Variants in PHLPP1 observed in about 807,000 individuals in gnomAD.
PHLPP1 encodes PH domain and leucine rich repeat protein phosphatase 1.
A neutral mutation model predicts 117.2 loss-of-function variants in PHLPP1; 42 were observed. That is an observed-to-expected ratio of 0.36 (90% confidence interval 0.28 to 0.46). PHLPP1 has a LOEUF of 0.46. Ranked by LOEUF, PHLPP1 falls within the 20% of genes least tolerant of loss-of-function variation. The pLI is 1.00. For missense variants in PHLPP1, 2,084 were observed against 2,241.9 expected (o/e 0.93, Z 1.42); for synonymous variants, 1,042 against 970.7 (o/e 1.07, Z -1.37).
At chr18:62,826,704 A>G (rs1191149364) in intron 1 of PHLPP1, among the ~76,000 whole-genome samples, 4 of 152,224 alleles carry the variant, frequency 2.6e-5, no homozygotes, top group South Asian at 2.1e-4. Context: ...TGAGTATGTA[A>G]TCAAGATCCA....
In PHLPP1 at chr18:62,856,037, T is replaced by C. The variant is rs115397407; in HGVS notation, c.1900-4398T>C. On this transcript the variant is annotated intron_variant, in intron 3 of 16. Transcript: ENST00000262719. The stretch of plus-strand genomic sequence containing the variant: ...ATAGAGAAAAAATAAGAAAATTCCA[T>C]GGTACAGTAGGCCCTTCTTACTGCG... 6.0e-3 allele frequency among the ~76,000 whole-genome samples: 915 copies of C among 152,316 alleles called. 4 individuals are homozygous for C. Among genetic ancestry groups the C allele is most frequent in the African/African-American group, 0.02 (843 of 41,566 alleles).
At chr18:62,727,448 A>G (rs1018214627) in intron 1 of PHLPP1, among the ~76,000 whole-genome samples, 3 of 151,644 alleles carry the variant, frequency 2.0e-5, no homozygotes, top group Non-Finnish European at 2.9e-5. Flanking sequence ...TTCTCTACAA[A>G]ATAATAATAA....
chr18:62,887,134 G>C (rs1231551650), intron 4 of PHLPP1, among the ~76,000 whole-genome samples: 1 of 152,136 alleles, frequency 6.6e-6, no homozygotes, highest in East Asian at 1.9e-4. Flanking sequence ...CTGTGGCTTA[G>C]AATTATGAGT....
chr18:62,978,178 C>T lies in PHLPP1; in HGVS notation c.3985-84C>T. ...CTTCTCTGTGGTCCTACAGTCGAGA[C>T]AGTCGAGGGACCCGCAGGGAACCTG... On this transcript the variant is annotated intron_variant, in intron 16 of 16. Transcript: ENST00000262719. The surrounding 1 kb of genome is among the most constrained non-coding windows in gnomAD (Gnocchi z 7.0). 1.4e-6 allele frequency: 1 copy of T among 733,238 alleles called. No individual in the cohort carries two copies. The highest frequency in any genetic ancestry group is 2.7e-5 in the East Asian group (1 of 36,840). The allele number at this position is 733,238 out of a possible 1,614,324, so 45.4% of individuals were successfully genotyped here.
At chr18:62,828,122 T>C (rs141277338) in intron 1 of PHLPP1, among the ~76,000 whole-genome samples, 273 of 152,204 alleles carry the variant, frequency 1.8e-3, no homozygotes, top group Admixed American at 3.4e-3. Context: ...CTATTGTCCA[T>C]TGTTTTTAGT....
At chr18:62,872,716 G>A (rs1915934039) in intron 4 of PHLPP1, among the ~76,000 whole-genome samples, 1 of 151,266 alleles carries the variant, frequency 6.6e-6, no homozygotes, top group Non-Finnish European at 1.5e-5. Flanking sequence ...GTGGGGCGTG[G>A]TGGCTCACGC....
chr18:62,816,465 G>A (rs1488112283), intron 1 of PHLPP1, among the ~76,000 whole-genome samples: 1 of 152,136 alleles, frequency 6.6e-6, no homozygotes, highest in Non-Finnish European at 1.5e-5. Flanking sequence ...TACTCAGGAG[G>A]CTAAGGCAGG....
chr18:62,797,316 G>A (rs898970054), intron 1 of PHLPP1, among the ~76,000 whole-genome samples: 7 of 152,190 alleles, frequency 4.6e-5, no homozygotes, highest in African/African-American at 1.7e-4. Context: ...GGTATTGAAT[G>A]ACTTCTCTGC....
In PHLPP1 at chr18:62,920,066, A is replaced by C. The variant is rs1241343048; in HGVS notation, c.2912A>C (p.His971Pro). 2 of 1,613,752 alleles carry C rather than the reference A, an allele frequency of 1.2e-6. No homozygotes were observed. The highest frequency in any genetic ancestry group is 8.5e-7 in the Non-Finnish European group (1 of 1,179,808). Residue 971 changes from histidine (H) to proline (P), a missense_variant, in exon 10 of 17, where the codon CAC becomes CCC. By Grantham distance (77) the His-to-Pro change is moderately conservative (BLOSUM62 -2). Coordinates refer to ENST00000262719, the MANE Select transcript of PHLPP1 (RefSeq NM_194449.4). ...RTSVEVLDVQHNQLLELPPNL... is the reference protein window; with the variant it reads ...RTSVEVLDVQPNQLLELPPNL... The stretch of plus-strand genomic sequence containing the variant: ...TCGGTGGAGGTCTTGGATGTGCAAC[A>C]CAACCAGCTCCTTGAGCTCCCACCT...
chr18:62,796,106 T>C (rs1913625342), intron 1 of PHLPP1, among the ~76,000 whole-genome samples: 1 of 152,228 alleles, frequency 6.6e-6, no homozygotes, highest in Admixed American at 6.5e-5. Flanking sequence ...CAGGTATAGC[T>C]TGTGATTAAT....
chr18:62,975,432 C>T lies in PHLPP1; in HGVS notation c.3791C>T (p.Ala1264Val). The T allele has an allele frequency of 6.2e-7, 1 of 1,613,726 alleles. No individual in the cohort carries two copies. The highest frequency in any genetic ancestry group is 8.5e-7 in the Non-Finnish European group (1 of 1,179,794). ...ACTGCTGGGCAGAAGCTTGGTGGTGCCGCTGTCCTTTGTCATATCAAGCAT... is the reference window on the plus strand; with the variant it reads ...ACTGCTGGGCAGAAGCTTGGTGGTGTCGCTGTCCTTTGTCATATCAAGCAT... The part of the protein sequence containing the change: ...LGTAGQKLGG[A>V]AVLCHIKHDP... Residue 1264 changes from alanine to valine, a missense_variant, in exon 16 of 17, where the codon GCC (alanine) becomes GTC (valine). Ala to Val is a moderately conservative substitution (Grantham distance 64, BLOSUM62 0). This residue lies in a region of PHLPP1 where 1,365 missense variants were observed against 1,605.9 expected (regional missense o/e 0.85). Coordinates refer to ENST00000262719, the MANE Select transcript of PHLPP1 (RefSeq NM_194449.4).
At chr18:62,825,427 A>G (rs938460907) in intron 1 of PHLPP1, 2 of 147,496 alleles carry the variant, frequency 1.4e-5, no homozygotes, top group East Asian at 1.9e-4. Context: ...ATATTTTATT[A>G]CATATTATAT....
chr18:62,850,155 C>T (rs969075818), intron 3 of PHLPP1, among the ~76,000 whole-genome samples: 18 of 150,712 alleles, frequency 1.2e-4, no homozygotes, highest in East Asian at 3.9e-4. Flanking sequence ...TTTGGGAGGC[C>T]GAGGCAGGTG....
At chr18:62,762,239 T>C (rs1912269323) in intron 1 of PHLPP1, among the ~76,000 whole-genome samples, 1 of 151,610 alleles carries the variant, frequency 6.6e-6, no homozygotes, top group Non-Finnish European at 1.5e-5. Flanking sequence ...ACAGATTGAG[T>C]CCTAAAGAGG....
chr18:62,780,245 TTTTG>T (rs201798526), intron 1 of PHLPP1, among the ~76,000 whole-genome samples: 1,652 of 152,268 alleles, frequency 0.011, 13 homozygotes, highest in Admixed American at 0.016. Flanking sequence ...TTATTTCAGT[TTTTG>T]TTTGTTTTCA....
intron 4 of PHLPP1, among the ~76,000 whole-genome samples, chr18:62,876,307 C>G (rs1314342709): frequency 6.6e-6 from 1 of 152,178 alleles, no homozygotes; most frequent in Non-Finnish European, 1.5e-5. Context: ...TGTGCCCCAA[C>G]TTTTACCTTT....
intron 8 of PHLPP1, among the ~76,000 whole-genome samples, chr18:62,906,128 C>T (rs1916841908): frequency 6.6e-6 from 1 of 152,160 alleles, no homozygotes; most frequent in South Asian, 2.1e-4. Flanking sequence ...TTAACAGTCA[C>T]CATGCTTTTT....
intron 9 of PHLPP1, among the ~76,000 whole-genome samples, chr18:62,918,518 C>T (rs1909369602): frequency 6.6e-6 from 1 of 150,962 alleles, no homozygotes; most frequent in Admixed American, 6.6e-5. Context: ...ATGGTAACTG[C>T]ATAGATAATC....
chr18:62,882,552 C>A (rs1916195666), intron 4 of PHLPP1, among the ~76,000 whole-genome samples: 1 of 152,180 alleles, frequency 6.6e-6, no homozygotes, highest in Non-Finnish European at 1.5e-5. Flanking sequence ...AGCCACCGCG[C>A]CCGGCCATTC....
Sources: allele counts gnomAD v4.1 joint callset (sites outside exome capture counted in the v4.1 genomes callset), GRCh38; gene constraint gnomAD v4.1.1; regional missense constraint gnomAD v4.1.1; non-coding constraint Gnocchi (gnomAD v3.1); transcripts MANE v1.5; gene names NCBI Gene and HGNC (gene_info 2026-07-23, HGNC 2026-07-21).